CCDC136: variants seen among roughly 807,000 people sequenced by gnomAD.
CCDC136 encodes the protein coiled-coil domain containing 136.
CCDC136 carries 100 observed loss-of-function variants against 141.2 expected under a neutral mutation model. That is an observed-to-expected ratio of 0.71 (90% confidence interval 0.60 to 0.84). CCDC136 has a LOEUF of 0.84. Ranked by LOEUF, CCDC136 falls within the 40% of genes least tolerant of loss-of-function variation. CCDC136 has a pLI of 0.00. For synonymous variants in CCDC136, 474 were observed against 531.9 expected (o/e 0.89, Z 1.50); for missense variants, 1,206 against 1,379.4 (o/e 0.87, Z 1.99).
In CCDC136 at chr7:128,801,359, G is replaced by C. The variant is rs201479027; in HGVS notation, c.520G>C (p.Asp174His). The stretch of plus-strand genomic sequence containing the variant: ...GAGTGACATAGCATCCCTGCAGGAG[G>C]ATCTCTGCCGGATGCAGAATGAACT... ...HESDIASLQE[D>H]LCRMQNELED... The change falls in exon 4 of 18, where the codon GAT becomes CAT. Residue 174 changes from aspartate (D) to histidine (H), a missense_variant. Physicochemically the swap from Asp to His is moderately conservative, Grantham distance 81. Coordinates refer to ENST00000297788, the MANE Select transcript of CCDC136 (RefSeq NM_022742.5). 1 of 1,613,520 alleles carries C rather than the reference G, an allele frequency of 6.2e-7. No homozygotes were observed. Among genetic ancestry groups the C allele is most frequent in the Admixed American group, 1.7e-5 (1 of 59,944 alleles).
chr7:128,818,037 C>G, intron 17 of CCDC136, 173 bp downstream of exon 17: 1 of 592,966 alleles, frequency 1.7e-6, no homozygotes, highest in African/African-American at 1.9e-5. Flanking sequence ...ACTGCAAAGC[C>G]TCTGACATCT....
intron 4 of CCDC136, among the ~76,000 whole-genome samples, chr7:128,801,790 A>T (rs1804070755): frequency 6.6e-6 from 1 of 152,170 alleles, no homozygotes; most frequent in African/African-American, 2.4e-5. Context: ...TTTAAATAAA[A>T]ATTTTAAAAA....
rs541959517 is a variant in CCDC136 at position 128,817,373 on chromosome 7, C to G, written c.3364-385C>G. 6.6e-6 allele frequency among the ~76,000 whole-genome samples: 1 copy of G among 152,222 alleles called. No homozygotes were observed. Among genetic ancestry groups the G allele is most frequent in the African/African-American group, 2.4e-5 (1 of 41,532 alleles). ...TGGAAAGCAGGCTAGAACAAAGGGA[C>G]AGGTGACCTGGTAGAAGACTGGCTC... On this transcript the variant is annotated intron_variant, in intron 16 of 17. Coordinates refer to ENST00000297788, the MANE Select transcript of CCDC136 (RefSeq NM_022742.5). The surrounding 1 kb of genome is among the most constrained non-coding windows in gnomAD (Gnocchi z 4.6).
intron 1 of CCDC136, among the ~76,000 whole-genome samples, chr7:128,792,920 C>A (rs1390899125): frequency 6.6e-6 from 1 of 152,214 alleles, no homozygotes; most frequent in Non-Finnish European, 1.5e-5. Flanking sequence ...TGAGGCCATC[C>A]TCCCAACACA....
Position 128,809,535 on chromosome 7 carries a change from A to C in CCDC136, c.1691A>C (p.Gln564Pro), listed in dbSNP as rs1353995284. The C allele has an allele frequency of 6.4e-7, 1 of 1,558,586 alleles. No homozygotes were observed. Among genetic ancestry groups the C allele is most frequent in the Non-Finnish European group, 8.7e-7 (1 of 1,151,854 alleles). ...QKEMGQLQME[Q>P]CELLEDQRRM... ...GAGATGGGGCAGCTGCAGATGGAGC[A>C]GTGTGAGCTCCTGGAGGATCAGAGG... is the stretch of plus-strand genomic sequence containing the variant. The change falls in exon 11 of 18, where the codon CAG becomes CCG. Residue 564 changes from glutamine (Q) to proline (P), a missense_variant. By Grantham distance (76) the Gln-to-Pro change is moderately conservative. Transcript: ENST00000297788.
chr7:128,797,424 A>G (rs752223173), intron 3 of CCDC136, among the ~76,000 whole-genome samples: 4 of 152,258 alleles, frequency 2.6e-5, no homozygotes, highest in Non-Finnish European at 5.9e-5. Flanking sequence ...GTCCAGTCCC[A>G]GAGACACTCC....
rs761742394 is a variant in CCDC136 at position 128,801,208 on chromosome 7, G to A, written c.369G>A (p.Glu123=). ...QLQGELRSLR[E]EISLLEHEKE... ...CAGGTGAGCTGCGTTCTCTACGGGA[G>A]GAGATTTCCCTGTTAGAGCATGAGA... The change falls in exon 4 of 18, where the codon GAG becomes GAA. Residue 123 remains glutamate (E), a synonymous_variant. Transcript: ENST00000297788. 3 of 1,613,316 alleles carry A rather than the reference G, an allele frequency of 1.9e-6. No individual in the cohort carries two copies. The highest frequency in any genetic ancestry group is 1.7e-5 in the Admixed American group (1 of 59,994).
chr7:128,814,600 C>T (rs1238778507), intron 14 of CCDC136, 38 bp from the exon 15 acceptor site: 6 of 1,502,384 alleles, frequency 4.0e-6, no homozygotes, highest in Admixed American at 2.3e-5. Context: ...GTTGCATAAC[C>T]AGCCAACTCT....
Position 128,805,233 on chromosome 7 carries a change from G to T in CCDC136, c.783-126G>T. 1 of 747,886 alleles carries T rather than the reference G, an allele frequency of 1.3e-6. No individual in the cohort carries two copies. The highest frequency in any genetic ancestry group is 2.3e-6 in the Non-Finnish European group (1 of 442,196). 46.3% of individuals were successfully genotyped at this position (747,886 alleles called of 1,614,324 possible). On this transcript the variant is annotated intron_variant, in intron 5 of 17. Coordinates refer to ENST00000297788, the MANE Select transcript of CCDC136 (RefSeq NM_022742.5). This position sits in a 1 kb window ranked among gnomAD's most constrained non-coding sequence, Gnocchi z 4.6. Reference sequence around the variant, plus strand: ...TCTTTTAAGCATGTTTATCTGAGCGGTGAGTCACAATAGAAGGCCCCTTAC... The same window carrying T: ...TCTTTTAAGCATGTTTATCTGAGCGTTGAGTCACAATAGAAGGCCCCTTAC...
At position 128,794,541 on chromosome 7, in the gene CCDC136, A is replaced by G. The variant is rs1474119710; in HGVS notation, c.210A>G (p.Ala70=). 3.9e-6 allele frequency: 6 copies of G among 1,555,382 alleles called. No individual in the cohort carries two copies. Among genetic ancestry groups the G allele is most frequent in the Non-Finnish European group, 4.4e-6 (5 of 1,149,302 alleles). Residue 70 remains alanine, a synonymous_variant, in exon 2 of 18, where the codon GCA becomes GCG. Transcript: ENST00000297788. The surrounding 1 kb of genome is among the most constrained non-coding windows in gnomAD (Gnocchi z 4.3). ...GGGCTCAGGTGCTGCAGCTGGTGGC[A>G]GAACTGGAGGAGACCCGGGAACTGG... ...ELRAQVLQLV[A]ELEETRELAG... is the part of the protein sequence containing the mutation.
intron 10 of CCDC136, 22 bp downstream of exon 10, chr7:128,807,567 G>C: frequency 7.4e-7 from 1 of 1,349,434 alleles, no homozygotes; most frequent in Non-Finnish European, 9.7e-7. Context: ...TCAGAGAGGT[G>C]ACAGCTCCTG....
In CCDC136 at chr7:128,805,988, T is replaced by G; in HGVS notation, c.1089+87T>G. ...TCAACCGGGGTGGGCACAGTGAGTA[T>G]GGCTGTGCTCTGCTGACTCTTGCCC... On this transcript the variant is annotated intron_variant, in intron 7 of 17. Transcript: ENST00000297788. The surrounding 1 kb of genome is among the most constrained non-coding windows in gnomAD (Gnocchi z 4.6). 6.7e-7 allele frequency: 1 copy of G among 1,493,028 alleles called. No homozygotes were observed. The highest frequency in any genetic ancestry group is 9.2e-7 in the Non-Finnish European group (1 of 1,082,110). The allele number at this position is 1,493,028 out of a possible 1,614,324, so 92.5% of individuals were successfully genotyped here.
Position 128,807,401 on chromosome 7 carries a change from G to C in CCDC136, c.1461G>C (p.Leu487=). The part of the protein sequence containing the change: ...THAQLQEMKQ[L]YQASKDELER... ...CTCAGCTTCAGGAGATGAAGCAGCT[G>C]TACCAGGCCAGCAAGGACGAGCTGG... is the stretch of plus-strand genomic sequence containing the variant. Residue 487 remains leucine, a synonymous_variant, in exon 10 of 18, where the codon CTG becomes CTC. Transcript: ENST00000297788. The C allele has an allele frequency of 6.3e-7, 1 of 1,581,024 alleles. No homozygotes were observed. Among genetic ancestry groups the C allele is most frequent in the Non-Finnish European group, 8.6e-7 (1 of 1,164,210 alleles).
intron 3 of CCDC136, among the ~76,000 whole-genome samples, chr7:128,799,849 TC>T (rs1340420416): frequency 4.6e-4 from 70 of 152,238 alleles, no homozygotes; most frequent in African/African-American, 1.6e-3. Context: ...TGCCTTTTAC[TC>T]TCTCCACTTT....
At position 128,811,646 on chromosome 7, in the gene CCDC136, T is replaced by C. The variant is rs149643468; in HGVS notation, c.2029-154T>C. Among the ~76,000 whole-genome samples, 342 of 152,276 alleles carry C rather than the reference T, an allele frequency of 2.2e-3. 1 individual carries two copies. Among genetic ancestry groups the C allele is most frequent in the African/African-American group, 8.0e-3 (333 of 41,548 alleles). Reference sequence around the variant, plus strand: ...AAGAAACTGATACATGCCAGTTACCTATAGGCTAAGTCAGAGACATAGGCC... The same window carrying C: ...AAGAAACTGATACATGCCAGTTACCCATAGGCTAAGTCAGAGACATAGGCC... On this transcript the variant is annotated intron_variant, in intron 12 of 17. Transcript: ENST00000297788.
At chr7:128,815,119 AGACAACTCACATCGG>A (rs1806391143) in intron 15 of CCDC136, among the ~76,000 whole-genome samples, 200 bp downstream of exon 15, 1 of 152,232 alleles carries the variant, frequency 6.6e-6, no homozygotes, top group Non-Finnish European at 1.5e-5. Flanking sequence ...AGTGGAACAC[AGACAACTCACATCGG>A]GAGGTGCAGC....
rs3736280 is a variant in CCDC136, at chr7:128,794,642, G to C, written c.271+40G>C. 1 of 1,533,784 alleles carries C rather than the reference G, an allele frequency of 6.5e-7. No homozygotes were observed. The highest frequency in any genetic ancestry group is 2.1e-5 in the Admixed American group (1 of 47,472). On this transcript the variant is annotated intron_variant, in intron 2 of 17. Coordinates refer to ENST00000297788, the MANE Select transcript of CCDC136 (RefSeq NM_022742.5). The surrounding 1 kb of genome is among the most constrained non-coding windows in gnomAD (Gnocchi z 4.3). ...CAGGGCCCAGTGCCCGGGCCCAGAG[G>C]CTCTGCACTCCCCTGGATCCGAGCT...
At chr7:128,814,166 A>G (rs922716922) in intron 14 of CCDC136, among the ~76,000 whole-genome samples, 2 of 149,454 alleles carry the variant, frequency 1.3e-5, no homozygotes, top group South Asian at 4.4e-4. Flanking sequence ...GCTTCCTGCA[A>G]CCTCCGCCTC....
Position 128,806,372 on chromosome 7 carries a change from C to G in CCDC136, c.1225C>G (p.Leu409Val). The G allele has an allele frequency of 1.2e-6, 2 of 1,605,046 alleles. No individual in the cohort carries two copies. The highest frequency in any genetic ancestry group is 1.7e-6 in the Non-Finnish European group (2 of 1,175,410). The change falls in exon 8 of 18, where the codon CTT becomes GTT. Residue 409 changes from leucine to valine, a missense_variant. Physicochemically the swap from Leu to Val is conservative, Grantham distance 32 (BLOSUM62 1). Transcript: ENST00000297788. ...LRQLKVMKST[L>V]VENQSEKELL... is the part of the protein sequence containing the mutation. ...GCAGCTCAAAGTCATGAAATCCACA[C>G]TTGTAGAAAACCAGAGTGAGAAGGT...
Sources: gnomAD v4.1 joint callset for allele counts (sites outside exome capture counted in the v4.1 genomes callset) on GRCh38, gnomAD v4.1.1 for gene constraint, Gnocchi (gnomAD v3.1) non-coding constraint, MANE v1.5 for transcripts, NCBI Gene and HGNC (gene_info 2026-07-23, HGNC 2026-07-21) for gene names.